Variants in ADGRL2 observed in about 807,000 individuals in gnomAD.
ADGRL2 encodes the protein adhesion G protein-coupled receptor L2.
A neutral mutation model predicts 157.4 loss-of-function variants in ADGRL2; 44 were observed. The observed-to-expected ratio is 0.28, with a 90% CI of 0.22 to 0.36. The LOEUF (loss-of-function observed/expected upper bound fraction) is 0.36. Among genes scored for constraint, ADGRL2 ranks in the 10% least tolerant of loss-of-function variants. The pLI is 1.00. For synonymous variants in ADGRL2, 585 were observed against 624.7 expected, an observed-to-expected ratio of 0.94 and a Z score of 0.95; for missense variants, 1,510 against 1,768.9, an observed-to-expected ratio of 0.85 and a Z score of 2.63.
intron 2 of ADGRL2, among the ~76,000 whole-genome samples, chr1:81,850,562 A>G (rs962664589): frequency 6.6e-6 from 1 of 151,920 alleles, no homozygotes; most frequent in Non-Finnish European, 1.5e-5. Flanking sequence ...CTGCTTCTTG[A>G]AAACAATGTC....
chr1:81,709,566 T>A (rs1244060846), intron 1 of ADGRL2, among the ~76,000 whole-genome samples: 2 of 152,008 alleles, frequency 1.3e-5, no homozygotes, highest in African/African-American at 4.8e-5. Context: ...AAAACCTTAG[T>A]GTTTGGAGTT....
At chr1:81,723,078 T>C in intron 1 of ADGRL2, 1 of 720,438 alleles carries the variant, frequency 1.4e-6, no homozygotes, top group South Asian at 1.4e-5. Flanking sequence ...ACAGTGCCCT[T>C]CTGATAAATA....
At chr1:81,843,466 T>A (rs975372863) in intron 2 of ADGRL2, among the ~76,000 whole-genome samples, 3 of 152,172 alleles carry the variant, frequency 2.0e-5, no homozygotes, top group African/African-American at 7.2e-5. Flanking sequence ...TACTTAACTG[T>A]ATTGCTCTTA....
At chr1:81,311,000 T>C (rs951266664) in intron 1 of ADGRL2, among the ~76,000 whole-genome samples, 1 of 152,166 alleles carries the variant, frequency 6.6e-6, no homozygotes, top group African/African-American at 2.4e-5. Context: ...GCTGTAATAC[T>C]GAGCTCCCTA....
chr1:81,364,963 C>T (rs1025562689), intron 1 of ADGRL2, among the ~76,000 whole-genome samples: 3 of 152,038 alleles, frequency 2.0e-5, no homozygotes, highest in Non-Finnish European at 2.9e-5. Flanking sequence ...TGCCCCCAGC[C>T]GGTAATTAAT....
At chr1:81,525,768 G>C (rs934863259) in intron 2 of ADGRL2, among the ~76,000 whole-genome samples, 1 of 152,138 alleles carries the variant, frequency 6.6e-6, no homozygotes, top group Admixed American at 6.6e-5. Context: ...TTATATTGGT[G>C]GGGGGCAAAG....
intron 1 of ADGRL2, among the ~76,000 whole-genome samples, chr1:81,407,856 G>A (rs1002894638): frequency 3.3e-5 from 5 of 152,138 alleles, no homozygotes; most frequent in Non-Finnish European, 7.3e-5. Context: ...TTTCATGTTT[G>A]TGACATGTTA....
intron 3 of ADGRL2, among the ~76,000 whole-genome samples, chr1:81,907,980 GTTGC>G (rs2148331338): frequency 6.6e-6 from 1 of 152,216 alleles, no homozygotes; most frequent in Non-Finnish European, 1.5e-5. Context: ...GATCTGAACT[GTTGC>G]CTAGTGACCT....
At chr1:81,802,138 T>C (rs945980946) in intron 1 of ADGRL2, among the ~76,000 whole-genome samples, 3 of 150,794 alleles carry the variant, frequency 2.0e-5, no homozygotes, top group African/African-American at 7.3e-5. Flanking sequence ...GCCTCGGCCC[T>C]CTCCGGCCGG....
chr1:81,864,248 TCAAG>T (rs376686588), intron 2 of ADGRL2, among the ~76,000 whole-genome samples: 73 of 152,288 alleles, frequency 4.8e-4, no homozygotes, highest in Non-Finnish European at 9.1e-4. Context: ...CTCAGAATTG[TCAAG>T]CAAGAAGTTT....
At chr1:81,358,811 A>G (rs1233240536) in intron 1 of ADGRL2, among the ~76,000 whole-genome samples, 1 of 152,152 alleles carries the variant, frequency 6.6e-6, no homozygotes, top group African/African-American at 2.4e-5. Flanking sequence ...TAATTAATCA[A>G]TTACACAAAC....
chr1:81,626,142 G>C (rs1017706189), intron 3 of ADGRL2, among the ~76,000 whole-genome samples: 1 of 152,122 alleles, frequency 6.6e-6, no homozygotes, highest in South Asian at 2.1e-4. Flanking sequence ...TCAGGAACTG[G>C]TTGCTTTCCA....
At chr1:81,348,767 C>T (rs1156732513) in intron 1 of ADGRL2, among the ~76,000 whole-genome samples, 1 of 152,076 alleles carries the variant, frequency 6.6e-6, no homozygotes. Context: ...AGATGGCTGA[C>T]CAAGCCTTTC....
intron 8 of ADGRL2, 106 bp downstream of exon 8, chr1:81,951,227 C>A: frequency 2.7e-6 from 2 of 733,990 alleles, no homozygotes; most frequent in South Asian, 1.8e-5. Context: ...GCTCTTTGTT[C>A]AGTATAAAAG....
At chr1:81,691,690 G>A (rs1218957210) in intron 3 of ADGRL2, among the ~76,000 whole-genome samples, 1 of 151,422 alleles carries the variant, frequency 6.6e-6, no homozygotes, top group Non-Finnish European at 1.5e-5. Context: ...ATAGAGATGG[G>A]GTTTCTCCAT....
chr1:81,724,148 G>A (rs1346744589), intron 1 of ADGRL2, among the ~76,000 whole-genome samples: 1 of 152,046 alleles, frequency 6.6e-6, no homozygotes, highest in Non-Finnish European at 1.5e-5. Flanking sequence ...AATACATAGA[G>A]TAATGGTAGG....
intron 3 of ADGRL2, among the ~76,000 whole-genome samples, chr1:81,660,090 T>G (rs889447865): frequency 6.6e-6 from 1 of 152,194 alleles, no homozygotes; most frequent in Non-Finnish European, 1.5e-5. Context: ...AGCAGAGGTT[T>G]CAGTAATGAA....
chr1:81,983,912 A>G (rs1662346392), intron 19 of ADGRL2, among the ~76,000 whole-genome samples: 1 of 152,082 alleles, frequency 6.6e-6, no homozygotes, highest in African/African-American at 2.4e-5. Context: ...AAAATTGCAT[A>G]AATAGTTCCC....
chr1:81,951,577 G>T (rs1180334364), intron 8 of ADGRL2, among the ~76,000 whole-genome samples: 1 of 151,874 alleles, frequency 6.6e-6, no homozygotes. Context: ...CCTTTATGAC[G>T]AATAAACATC....
Sources: allele counts gnomAD v4.1 joint callset (sites outside exome capture counted in the v4.1 genomes callset), GRCh38; gene constraint gnomAD v4.1.1; transcripts MANE v1.5; gene names NCBI Gene and HGNC (gene_info 2026-07-23, HGNC 2026-07-21).